Variants in NCOR1 observed in about 807,000 individuals in gnomAD.
NCOR1 encodes the protein protein phosphatase 1, regulatory subunit 109.
NCOR1 carries 63 observed loss-of-function variants against 288.1 expected under a neutral mutation model. The ratio of observed to expected loss-of-function variants is 0.22; its 90% CI spans 0.18 to 0.27. The LOEUF is 0.27. NCOR1 is among the 10% of genes least tolerant of loss of function. The pLI is 1.00. For missense variants in NCOR1, 2,397 were observed against 3,019.2 expected, an observed-to-expected ratio of 0.79 and a Z score of 4.83; for synonymous variants, 1,007 against 1,065.9, an observed-to-expected ratio of 0.94 and a Z score of 1.08.
intron 3 of NCOR1, among the ~76,000 whole-genome samples, chr17:16,183,495 G>A (rs1479081852): frequency 2.0e-5 from 3 of 151,924 alleles, no homozygotes; most frequent in African/African-American, 7.2e-5. Flanking sequence ...AGTTCTAAAA[G>A]ACATTTAAAT....
intron 34 of NCOR1, 123 bp downstream of exon 34, chr17:16,064,747 A>G: frequency 1.1e-6 from 1 of 950,526 alleles, no homozygotes; most frequent in African/African-American, 1.7e-5. Flanking sequence ...ACTACTATTA[A>G]ATGTTAAAAG....
intron 14 of NCOR1, among the ~76,000 whole-genome samples, chr17:16,127,679 ATG>A (rs1241648223): frequency 1.5e-4 from 21 of 142,816 alleles, no homozygotes; most frequent in African/African-American, 3.4e-4. Flanking sequence ...ATATATGTGT[ATG>A]TGTATATATA....
At position 16,064,863 on chromosome 17, in the gene NCOR1, A is replaced by G. The variant is rs755277400; in HGVS notation, c.5101+7T>C. On this transcript the variant is annotated splice_region_variant and intron_variant, in intron 34 of 45. Transcript: ENST00000268712. ...TATTAGAGAGGTGTGTAACTGTACA[A>G]TCTCACCTGGAGACATGGAAGCAGA... 5 of 1,601,106 alleles carry G rather than the reference A, an allele frequency of 3.1e-6. No individual in the cohort carries two copies. The East Asian group carries it at 6.7e-5, about 22-fold the overall frequency.
rs2152602902 is a variant in NCOR1 at position 16,061,645 on chromosome 17, C to G, written c.5637G>C (p.Gln1879His). 3.1e-6 allele frequency: 5 copies of G among 1,614,248 alleles called. No homozygotes were observed. Among genetic ancestry groups the G allele is most frequent in the Non-Finnish European group, 4.2e-6 (5 of 1,180,050 alleles). The change falls in exon 37 of 46, where the codon CAG becomes CAC. Residue 1879 changes from glutamine to histidine, a missense_variant. This residue lies in a region of NCOR1 where 1,872 missense variants were observed against 2,187.8 expected (regional missense o/e 0.86). Coordinates refer to ENST00000268712, the MANE Select transcript of NCOR1 (RefSeq NM_006311.4). ...KTLEVEKRSV[Q>H]CLYTSSAFPS... Reference sequence around the variant, plus strand: ...GAAAGGCTGAAGAAGTGTATAAACACTGAACAGATCTCTTCTCCACCTCCA... The same window carrying G: ...GAAAGGCTGAAGAAGTGTATAAACAGTGAACAGATCTCTTCTCCACCTCCA...
chr17:16,097,960 G>A (rs558031462), intron 21 of NCOR1, among the ~76,000 whole-genome samples: 8 of 152,326 alleles, frequency 5.3e-5, no homozygotes, highest in African/African-American at 1.9e-4. Flanking sequence ...TGACCAAAGA[G>A]GTGGAGAATT....
chr17:16,208,035 C>CTTTTTTTTTT (rs71150278), intron 1 of NCOR1, among the ~76,000 whole-genome samples: 27 of 72,556 alleles, frequency 3.7e-4, no homozygotes, highest in East Asian at 7.9e-4. Context: ...ATATTTCTTT[C>CTTTTTTTTTT]TTTTTTTTTT....
chr17:16,179,852 A>G (rs1310223064), intron 3 of NCOR1, among the ~76,000 whole-genome samples: 2 of 151,946 alleles, frequency 1.3e-5, no homozygotes, highest in South Asian at 2.1e-4. Context: ...TGTCTCTACT[A>G]AAAGTACAAA....
chr17:16,034,708 C>A lies in NCOR1; in HGVS notation c.7135+57G>T, dbSNP rs1249703097. ...TTGCTGAATTTTGAAGAACTAATAA[C>A]CAAGACATTGATATTATTGCTCTGT... On this transcript the variant is annotated intron_variant, in intron 45 of 45. Transcript: ENST00000268712. The A allele has an allele frequency of 2.1e-6, 3 of 1,443,796 alleles. No homozygotes were observed. The African/African-American group carries it at 4.3e-5, about 21-fold the overall frequency. 89.4% of individuals were successfully genotyped at this position (1,443,796 alleles called of 1,614,324 possible). A position where few individuals can be genotyped will look rare whatever the true frequency, so the allele number is the denominator to read the frequency against.
intron 14 of NCOR1, among the ~76,000 whole-genome samples, chr17:16,135,158 CAAAAA>C (rs577308243): frequency 5.6e-5 from 2 of 35,890 alleles, no homozygotes; most frequent in African/African-American, 9.0e-5. Flanking sequence ...GACTCCATCT[CAAAAA>C]AAAAAAAAAA....
intron 14 of NCOR1, among the ~76,000 whole-genome samples, chr17:16,133,503 T>C (rs548295573): frequency 6.6e-6 from 1 of 152,340 alleles, no homozygotes; most frequent in South Asian, 2.1e-4. Flanking sequence ...TCAAATTAGT[T>C]GGATCTCTGT....
intron 15 of NCOR1, among the ~76,000 whole-genome samples, chr17:16,124,712 T>C (rs996769349): frequency 2.0e-5 from 3 of 152,162 alleles, no homozygotes; most frequent in African/African-American, 7.2e-5. Flanking sequence ...TTTTCTATAA[T>C]GTAATTTTAT....
chr17:16,199,821 C>T (rs967312525), intron 1 of NCOR1, among the ~76,000 whole-genome samples: 6 of 152,156 alleles, frequency 3.9e-5, no homozygotes, highest in Non-Finnish European at 7.3e-5. Context: ...TAAATATCAA[C>T]ATATAATGTT....
At chr17:16,094,826 T>C (rs1204149026) in intron 21 of NCOR1, among the ~76,000 whole-genome samples, 1 of 152,220 alleles carries the variant, frequency 6.6e-6, no homozygotes, top group Admixed American at 6.5e-5. Flanking sequence ...CTCGGCATTC[T>C]GAGGTGCCGG....
At chr17:16,103,703 C>CA (rs1416871998) in intron 19 of NCOR1, among the ~76,000 whole-genome samples, 2 of 152,232 alleles carry the variant, frequency 1.3e-5, no homozygotes, top group Non-Finnish European at 2.9e-5. Flanking sequence ...GTGATCAACT[C>CA]AAACATCACA....
chr17:16,057,649 G>T lies in NCOR1; in HGVS notation c.6257C>A (p.Ser2086Tyr). The change falls in exon 40 of 46, where the codon TCT (serine) becomes TAT (tyrosine). Residue 2086 changes from serine (S) to tyrosine (Y), a missense_variant. Around this residue, in one of 11 missense-constraint regions of NCOR1, gnomAD observed 1,872 missense variants for 2,187.8 expected, o/e 0.86. Transcript: ENST00000268712. ...CCTCACAGGTGTAGATACCAAAGCA[G>T]AAGGTGAGTTCTGGAATGTAGAAGT... ...PPTSTFQNSP[S>Y]ALVSTPVRTK... The T allele has an allele frequency of 1.2e-6, 2 of 1,613,982 alleles. No individual in the cohort carries two copies. Among genetic ancestry groups the T allele is most frequent in the Non-Finnish European group, 1.7e-6 (2 of 1,179,984 alleles).
intron 31 of NCOR1, 118 bp downstream of exon 31, chr17:16,070,047 C>G: frequency 7.6e-7 from 1 of 1,322,560 alleles, no homozygotes; most frequent in Non-Finnish European, 1.0e-6. Flanking sequence ...CAAGCAAGAC[C>G]TGTAGATCTT....
At chr17:16,093,829 C>T (rs1280697456) in intron 21 of NCOR1, among the ~76,000 whole-genome samples, 1 of 152,208 alleles carries the variant, frequency 6.6e-6, no homozygotes, top group Non-Finnish European at 1.5e-5. Flanking sequence ...GACACTCCCT[C>T]TTCTCCAAAA....
intron 40 of NCOR1, chr17:16,056,854 ATGTG>A (rs372217459): frequency 6.6e-6 from 1 of 151,756 alleles, no homozygotes; most frequent in Non-Finnish European, 1.5e-5. Flanking sequence ...TAAAATATAT[ATGTG>A]TGTGTGTGCA....
intron 3 of NCOR1, among the ~76,000 whole-genome samples, chr17:16,177,274 TA>T (rs756313587): frequency 6.6e-6 from 1 of 152,202 alleles, no homozygotes; most frequent in Non-Finnish European, 1.5e-5. Context: ...ATAGAAGAAA[TA>T]TAGAAATATA....
Sources: gnomAD v4.1 joint callset for allele counts (sites outside exome capture counted in the v4.1 genomes callset) on GRCh38, gnomAD v4.1.1 for gene constraint, gnomAD v4.1.1 regional missense constraint, MANE v1.5 for transcripts, NCBI Gene and HGNC (gene_info 2026-07-23, HGNC 2026-07-21) for gene names.